Variants in BACH2 observed in about 807,000 individuals in gnomAD.
BACH2 encodes BACH transcriptional regulator 2.
A neutral mutation model predicts 61.8 loss-of-function variants in BACH2; 5 were observed. The observed-to-expected ratio is 0.08, with a 90% CI of 0.04 to 0.17. BACH2 has a LOEUF of 0.17. BACH2 is among the 10% of genes least tolerant of loss of function. The pLI is 1.00. For missense variants in BACH2, 824 were observed against 1,091.1 expected (o/e 0.76, Z 3.45); for synonymous variants, 446 against 440.1 (o/e 1.01, Z -0.17).
In BACH2 at chr6:89,945,813, C is replaced by T. The variant is rs141482163; in HGVS notation, c.1836+4457G>A. ...AAACTTTCCCTACACTCCTCTCCAA[C>T]GGTGCTCCCAGTTTTTTCTTATTCT... On this transcript the variant is annotated intron_variant, in intron 7 of 8. Transcript: ENST00000257749. 2.4e-3 allele frequency among the ~76,000 whole-genome samples: 370 copies of T among 152,338 alleles called. 2 individuals are homozygous for T. The highest frequency in any genetic ancestry group is 4.0e-3 in the Non-Finnish European group (275 of 68,020).
chr6:90,042,012 G>A (rs1433516730), intron 5 of BACH2, among the ~76,000 whole-genome samples: 1 of 151,850 alleles, frequency 6.6e-6, no homozygotes, highest in Non-Finnish European at 1.5e-5. Context: ...CTTCTCTTCT[G>A]ACCACTGCTT....
At chr6:90,215,033 G>A (rs1769485001) in intron 3 of BACH2, among the ~76,000 whole-genome samples, 1 of 152,032 alleles carries the variant, frequency 6.6e-6, no homozygotes, top group African/African-American at 2.4e-5. Context: ...GGGATTACAG[G>A]CATGAGCCAC....
At chr6:90,061,190 T>C (rs1239142850) in intron 5 of BACH2, among the ~76,000 whole-genome samples, 1 of 152,136 alleles carries the variant, frequency 6.6e-6, no homozygotes, top group East Asian at 1.9e-4. Flanking sequence ...GAGGCTAATG[T>C]AGTAGTTCAG....
At chr6:90,024,410 C>G (rs565482104) in intron 5 of BACH2, among the ~76,000 whole-genome samples, 1 of 152,246 alleles carries the variant, frequency 6.6e-6, no homozygotes, top group East Asian at 1.9e-4. Context: ...AGGGATGAGG[C>G]CTTTTGGGAG....
At chr6:90,153,859 T>G (rs1784905008) in intron 4 of BACH2, among the ~76,000 whole-genome samples, 1 of 152,218 alleles carries the variant, frequency 6.6e-6, no homozygotes, top group South Asian at 2.1e-4. Flanking sequence ...AGACAAATTT[T>G]GAAAAAATCA....
chr6:90,014,468 A>ATATTT (rs1222156456), intron 5 of BACH2, among the ~76,000 whole-genome samples: 6 of 32,306 alleles, frequency 1.9e-4, no homozygotes, highest in Admixed American at 6.0e-4. Context: ...ATATATATAT[A>ATATTT]TTTTTTTTTT....
At chr6:90,267,634 A>C (rs1412790280) in intron 2 of BACH2, among the ~76,000 whole-genome samples, 1 of 152,218 alleles carries the variant, frequency 6.6e-6, no homozygotes, top group East Asian at 1.9e-4. Flanking sequence ...AATGCTCTTG[A>C]AGGTATATCA....
At chr6:90,158,765 T>TGGG (rs35179212) in intron 4 of BACH2, among the ~76,000 whole-genome samples, 22 of 137,246 alleles carry the variant, frequency 1.6e-4, no homozygotes, top group East Asian at 8.9e-4. Context: ...CTTCTTTTGG[T>TGGG]GGGGGGGGGG....
At chr6:89,939,661 T>TC (rs1348101778) in intron 7 of BACH2, among the ~76,000 whole-genome samples, 5 of 40,188 alleles carry the variant, frequency 1.2e-4, no homozygotes, top group Non-Finnish European at 2.1e-4. Flanking sequence ...TATTTCTTTT[T>TC]TTTTTTTTTT....
chr6:90,143,873 A>G (rs1352004202), intron 4 of BACH2, among the ~76,000 whole-genome samples: 1 of 152,186 alleles, frequency 6.6e-6, no homozygotes, highest in African/African-American at 2.4e-5. Flanking sequence ...ACCCTGCTCA[A>G]CACTCATAAT....
intron 1 of BACH2, among the ~76,000 whole-genome samples, chr6:90,272,177 G>A (rs1382402764): frequency 6.6e-6 from 1 of 152,028 alleles, no homozygotes; most frequent in African/African-American, 2.4e-5. Flanking sequence ...GGGTACAAAT[G>A]GCCTTCTTCC....
Position 89,927,904 on chromosome 6 carries a change from C to T in BACH2, c.*4504G>A, listed in dbSNP as rs1033565649. 1.1e-4 allele frequency: 17 copies of T among 152,480 alleles called. No individual in the cohort carries two copies. Among genetic ancestry groups the T allele is most frequent in the Admixed American group, 4.6e-4 (7 of 15,276 alleles). The allele number at this position is 152,480 out of a possible 1,614,324, so 9.4% of individuals were successfully genotyped here. On this transcript the variant is annotated 3_prime_UTR_variant, in exon 9 of 9. Transcript: ENST00000257749. Reference sequence around the variant, plus strand: ...ACAGATATGTTCTGTTCTACAGCATCGGTTTTGGACGCTGGGGTCATGAGA... The same window carrying T: ...ACAGATATGTTCTGTTCTACAGCATTGGTTTTGGACGCTGGGGTCATGAGA...
chr6:89,961,860 T>C lies in BACH2; in HGVS notation c.244-9998A>G, dbSNP rs917264329. ...CTCTCTCTGTCTATATCCTATTTTC[T>C]AGAAATGCTCAGATTTCACTGTCAC... On this transcript the variant is annotated intron_variant, in intron 6 of 8. Coordinates refer to ENST00000257749, the MANE Select transcript of BACH2 (RefSeq NM_021813.4). Among the ~76,000 whole-genome samples the C allele has an allele frequency of 4.6e-5, 7 of 152,228 alleles. No individual in the cohort carries two copies. In the East Asian group the frequency reaches 1.2e-3, roughly 25 times the overall value.
chr6:90,071,238 T>C (rs564886898), intron 5 of BACH2, among the ~76,000 whole-genome samples: 3 of 152,364 alleles, frequency 2.0e-5, no homozygotes, highest in Admixed American at 2.0e-4. Context: ...CTTCCTTCTG[T>C]GGGCATGAGA....
chr6:90,282,824 T>C (rs893950142), intron 1 of BACH2, among the ~76,000 whole-genome samples: 2 of 152,216 alleles, frequency 1.3e-5, no homozygotes, highest in African/African-American at 2.4e-5. Context: ...TTTTGTTTTG[T>C]TCATGTTTCT....
chr6:90,118,017 T>C (rs1363439555), intron 4 of BACH2, among the ~76,000 whole-genome samples: 3 of 152,200 alleles, frequency 2.0e-5, no homozygotes, highest in Admixed American at 1.3e-4. Flanking sequence ...TTATTGACTA[T>C]AATATTTTTC....
At chr6:90,083,661 T>C (rs1781812902) in intron 5 of BACH2, among the ~76,000 whole-genome samples, 1 of 152,126 alleles carries the variant, frequency 6.6e-6, no homozygotes, top group South Asian at 2.1e-4. Flanking sequence ...GTGCTTAACA[T>C]AAACAGAACA....
chr6:89,979,693 T>G lies in BACH2; in HGVS notation c.244-27831A>C, dbSNP rs755771211. The stretch of plus-strand genomic sequence containing the variant: ...TCATTGATGATAAATATCTGTTCAT[T>G]GAACAAACCGAAACAAAAAAGAAAT... On this transcript the variant is annotated intron_variant, in intron 6 of 8. Transcript: ENST00000257749. Among the ~76,000 whole-genome samples the G allele has an allele frequency of 3.9e-5, 6 of 152,300 alleles. No individual in the cohort carries two copies. In the South Asian group the frequency reaches 8.3e-4, roughly 21 times the overall value.
intron 1 of BACH2, among the ~76,000 whole-genome samples, chr6:90,295,989 T>C (rs943837997): frequency 6.6e-6 from 1 of 151,592 alleles, no homozygotes; most frequent in Non-Finnish European, 1.5e-5. Context: ...ACGCCGAGGG[T>C]TAAGGAGGAG....
Sources: gnomAD v4.1 joint callset for allele counts (sites outside exome capture counted in the v4.1 genomes callset) on GRCh38, gnomAD v4.1.1 for gene constraint, MANE v1.5 for transcripts, NCBI Gene and HGNC (gene_info 2026-07-23, HGNC 2026-07-21) for gene names.